Variants in SNORC observed in about 807,000 individuals in gnomAD.
SNORC encodes secondary ossification center associated regulator of chondrocyte maturation.
Under a neutral mutation model 9.7 loss-of-function variants are expected in SNORC, and 11 were observed. The ratio of observed to expected loss-of-function variants is 1.14; its 90% CI spans 0.72 to 1.88. The LOEUF (loss-of-function observed/expected upper bound fraction) is 1.88, where lower values mean the gene tolerates loss of function less well. Among genes scored for constraint, SNORC ranks in the 40% most tolerant of loss-of-function variants. SNORC has a pLI of 0.00. For missense variants in SNORC, 197 were observed against 173.1 expected, an observed-to-expected ratio of 1.14 and a Z score of -0.77; for synonymous variants, 108 against 88.7, an observed-to-expected ratio of 1.22 and a Z score of -1.22.
At chr2:232,876,909 G>A, downstream of SNORC, 4 of 985,444 alleles carry the variant, frequency 4.1e-6, no homozygotes, top group Non-Finnish European at 4.8e-6. The surrounding 1 kb of genome is among the most constrained non-coding windows in gnomAD (Gnocchi z 6.8). Context: ...GGGGTTCAGA[G>A]CGTTCCGTGA....
At chr2:232,876,793 G>A (rs1442364843), downstream of SNORC, 4 of 985,326 alleles carry the variant, frequency 4.1e-6, no homozygotes, top group African/African-American at 1.7e-5. This position sits in a 1 kb window ranked among gnomAD's most constrained non-coding sequence, Gnocchi z 6.8. Context: ...TCACGGTCAG[G>A]GCCACGCCAC....
At chr2:232,876,819 C>T, downstream of SNORC, 1 of 985,518 alleles carries the variant, frequency 1.0e-6, no homozygotes. This position sits in a 1 kb window ranked among gnomAD's most constrained non-coding sequence, Gnocchi z 6.8. Context: ...GCCCCTTCTC[C>T]CGGCGCCGCC....
At position 232,873,610 on chromosome 2, in the gene SNORC, G is replaced by A. The variant is rs1022127727; in HGVS notation, c.74-2330G>A. Among the ~76,000 whole-genome samples, 6 of 152,276 alleles carry A rather than the reference G, an allele frequency of 3.9e-5. No homozygotes were observed. In the South Asian group the frequency reaches 1.2e-3, roughly 32 times the overall value. ...GGTGCCTACCTGCCAGTCTGTCTTG[G>A]GTGTGTCATTTGTCCATTTCTTTGG... is the stretch of plus-strand genomic sequence containing the variant. On this transcript the variant is annotated intron_variant, in intron 1 of 2. Coordinates refer to ENST00000331342, the Ensembl canonical transcript of SNORC.
chr2:232,870,238 GA>G (rs1690969843), upstream of SNORC: 1 of 1,109,766 alleles, frequency 9.0e-7, no homozygotes, highest in Non-Finnish European at 1.3e-6. Context: ...TTGCATTGAT[GA>G]AAACCCTTCC....
downstream of SNORC, chr2:232,876,487 G>C (rs1691250804): frequency 7.6e-7 from 1 of 1,317,370 alleles, no homozygotes. The surrounding 1 kb of genome is among the most constrained non-coding windows in gnomAD (Gnocchi z 6.8). Context: ...AGCGCTCAGG[G>C]CGGGGGTGCG....
At chr2:232,877,079 C>T, downstream of SNORC, 1 of 985,948 alleles carries the variant, frequency 1.0e-6, no homozygotes. Flanking sequence ...AGGGCCCCAT[C>T]CGCGGGCTCA....
chr2:232,877,027 C>T, downstream of SNORC: 1 of 985,548 alleles, frequency 1.0e-6, no homozygotes, highest in Non-Finnish European at 1.2e-6. Context: ...AGCCAGAGGC[C>T]GCGTGGTTTT....
downstream of SNORC, chr2:232,877,965 G>A (rs928427003): frequency 6.6e-6 from 1 of 152,242 alleles, no homozygotes; most frequent in South Asian, 2.1e-4. Context: ...CTCCAGGGAC[G>A]AGAGATGGCC....
At chr2:232,872,702 C>T (rs970990208) in intron 1 of SNORC, among the ~76,000 whole-genome samples, 11 of 152,178 alleles carry the variant, frequency 7.2e-5, no homozygotes, top group African/African-American at 2.7e-4. Flanking sequence ...TCCACACCTT[C>T]GCTCCTGCCC....
At chr2:232,877,337 A>C, downstream of SNORC, 1 of 985,352 alleles carries the variant, frequency 1.0e-6, no homozygotes, top group Non-Finnish European at 1.2e-6. Context: ...CAGGGTCCCC[A>C]CCTCGGAAGC....
At chr2:232,870,114 G>A (rs553302794), upstream of SNORC, among the ~76,000 whole-genome samples, 1 of 150,810 alleles carries the variant, frequency 6.6e-6, no homozygotes, top group Admixed American at 6.6e-5. Context: ...CAAGAGCGGG[G>A]CTGCTCCCAG....
upstream of SNORC, among the ~76,000 whole-genome samples, chr2:232,868,847 G>A (rs112474742): frequency 5.8e-3 from 884 of 152,222 alleles, 3 homozygotes; most frequent in African/African-American, 0.02. Flanking sequence ...GAATGTGGCC[G>A]GATCTAATGT....
upstream of SNORC, among the ~76,000 whole-genome samples, chr2:232,867,696 C>T (rs1690904867): frequency 6.6e-6 from 1 of 152,340 alleles, no homozygotes; most frequent in South Asian, 2.1e-4. Context: ...CAGCCCACTG[C>T]TGCCCCTGGG....
chr2:232,875,836 C>A, intron 1 of SNORC, 104 bp from the exon 2 acceptor site: 1 of 1,199,996 alleles, frequency 8.3e-7, no homozygotes, highest in Non-Finnish European at 1.1e-6. Context: ...GAGCCCAGAC[C>A]CCTCACACAG....
chr2:232,874,209 A>G (rs1348233207), intron 1 of SNORC, among the ~76,000 whole-genome samples: 1 of 152,240 alleles, frequency 6.6e-6, no homozygotes, highest in Admixed American at 6.5e-5. Context: ...CCAACTGCCA[A>G]CATTTTGCTA....
chr2:232,870,334 C>T (rs760213130), exon 1 of SNORC: 20 of 1,555,602 alleles, frequency 1.3e-5, no homozygotes, highest in Admixed American at 5.8e-5. Context: ...CCCTCACTCC[C>T]GGCCAGGATG....
At chr2:232,875,786 A>G (rs1691206262) in intron 1 of SNORC, 154 bp from the exon 2 acceptor site, 1 of 827,372 alleles carries the variant, frequency 1.2e-6, no homozygotes, top group African/African-American at 1.8e-5. Flanking sequence ...CACTGGCTTC[A>G]GCTTCTTAGC....
chr2:232,870,057 G>A (rs1449999553), upstream of SNORC, among the ~76,000 whole-genome samples: 4 of 152,170 alleles, frequency 2.6e-5, no homozygotes, highest in South Asian at 2.1e-4. Context: ...TGTGTGTTGC[G>A]GGGTGGAGAA....
At chr2:232,868,294 G>T (rs1279320747), upstream of SNORC, among the ~76,000 whole-genome samples, 1 of 151,762 alleles carries the variant, frequency 6.6e-6, no homozygotes, top group Non-Finnish European at 1.5e-5. Context: ...ATGGGTTTTC[G>T]CCATGTTGGT....
Sources: allele counts gnomAD v4.1 joint callset (sites outside exome capture counted in the v4.1 genomes callset), GRCh38; gene constraint gnomAD v4.1.1; non-coding constraint Gnocchi (gnomAD v3.1); transcripts MANE v1.5; gene names NCBI Gene and HGNC (gene_info 2026-07-23, HGNC 2026-07-21).